Variants in STIM1 observed in about 807,000 individuals in gnomAD.
The protein encoded by STIM1 is stromal interaction molecule 1.
Under a neutral mutation model 74.7 loss-of-function variants are expected in STIM1, and 25 were observed. That is an observed-to-expected ratio of 0.33 (90% CI 0.24 to 0.47). The LOEUF (loss-of-function observed/expected upper bound fraction) is 0.47. Ranked by LOEUF, STIM1 falls within the 20% of genes least tolerant of loss-of-function variation. The pLI is 1.00. For synonymous variants in STIM1, 328 were observed against 348.8 expected, an observed-to-expected ratio of 0.94 and a Z score of 0.66; for missense variants, 728 against 920.8, an observed-to-expected ratio of 0.79 and a Z score of 2.71.
At chr11:4,010,264 AG>A (rs2093823384) in intron 2 of STIM1, among the ~76,000 whole-genome samples, 1 of 147,132 alleles carries the variant, frequency 6.8e-6, no homozygotes, top group Non-Finnish European at 1.5e-5. Flanking sequence ...TCCGCCTTCC[AG>A]GTTTAAGCAA....
chr11:4,066,019 C>A (rs1372421884), intron 5 of STIM1, among the ~76,000 whole-genome samples: 1 of 152,128 alleles, frequency 6.6e-6, no homozygotes, highest in African/African-American at 2.4e-5. Context: ...TATTATTACC[C>A]CTGACTTTGT....
chr11:3,940,885 A>G (rs746215507), intron 1 of STIM1, among the ~76,000 whole-genome samples: 1 of 152,196 alleles, frequency 6.6e-6, no homozygotes, highest in Non-Finnish European at 1.5e-5. Context: ...TGCCATATGC[A>G]TATATTTATA....
intron 1 of STIM1, among the ~76,000 whole-genome samples, chr11:3,909,481 G>T (rs1649949108): frequency 6.6e-6 from 1 of 152,168 alleles, no homozygotes; most frequent in Non-Finnish European, 1.5e-5. Flanking sequence ...ATTCAGTAAG[G>T]CTATTCTCAG....
In STIM1 at chr11:3,936,057, G is replaced by A. The variant is rs144905844; in HGVS notation, c.140-31495G>A. Among the ~76,000 whole-genome samples the A allele has an allele frequency of 2.1e-3, 323 of 152,148 alleles. 2 individuals are homozygous for A. Among genetic ancestry groups the A allele is most frequent in the African/African-American group, 7.5e-3 (312 of 41,506 alleles). ...TATACTCATTTTAAGTGCTCAGTTC[G>A]AGTTCTGACAAATGTAGTATATGCC... On this transcript the variant is annotated intron_variant, in intron 1 of 12. Transcript: ENST00000526596.
rs1407116817 is a variant in STIM1 at position 4,091,508 on chromosome 11, C to T, written c.1861C>T (p.Leu621=). The stretch of plus-strand genomic sequence containing the variant: ...GGCATTACTGGCGCTGAACCATGGG[C>T]TGGACAAGGCCCACAGCCTGATGGA... ...KKALLALNHG[L]DKAHSLMELS... The change falls in exon 13 of 13, where the codon CTG becomes TTG. Residue 621 remains leucine (L), a synonymous_variant. Coordinates refer to ENST00000526596, the MANE Select transcript of STIM1 (RefSeq NM_001382567.1). 2 of 1,614,086 alleles carry T rather than the reference C, an allele frequency of 1.2e-6. No homozygotes were observed. The highest frequency in any genetic ancestry group is 2.2e-5 in the East Asian group (1 of 44,898).
intron 1 of STIM1, among the ~76,000 whole-genome samples, chr11:3,931,943 G>A (rs2092866457): frequency 6.6e-6 from 1 of 152,190 alleles, no homozygotes; most frequent in Non-Finnish European, 1.5e-5. Context: ...AAGGCTGCCA[G>A]ATGAGGCCAT....
chr11:3,982,319 C>T (rs532586030), intron 2 of STIM1, among the ~76,000 whole-genome samples: 4 of 151,760 alleles, frequency 2.6e-5, no homozygotes, highest in South Asian at 4.2e-4. Flanking sequence ...CATGAGCCAA[C>T]GCACCCAGCC....
At chr11:4,076,392 A>G (rs1036909109) in intron 7 of STIM1, among the ~76,000 whole-genome samples, 1 of 139,934 alleles carries the variant, frequency 7.1e-6, no homozygotes, top group Non-Finnish European at 1.5e-5. Flanking sequence ...AGGCTGAGGC[A>G]GGAGGATTGC....
rs1261603471 is a variant in STIM1 at position 4,084,785 on chromosome 11, G to A, written c.1567+20G>A. ...ACCCCGGTTTGAGGAGCCCCTTTGG[G>A]GCATTTTGTTTTTCTGACTTTCGGG... On this transcript the variant is annotated intron_variant, in intron 11 of 12. Transcript: ENST00000526596. 7.8e-7 allele frequency: 1 copy of A among 1,289,108 alleles called. No homozygotes were observed. Among genetic ancestry groups the A allele is most frequent in the Non-Finnish European group, 1.0e-6 (1 of 988,736 alleles). The allele number at this position is 1,289,108 out of a possible 1,614,324, so 79.9% of individuals were successfully genotyped here.
chr11:3,928,915 G>A (rs1258062147), intron 1 of STIM1, among the ~76,000 whole-genome samples: 1 of 152,118 alleles, frequency 6.6e-6, no homozygotes, highest in Non-Finnish European at 1.5e-5. Context: ...CTGTAGCCCA[G>A]GCTGGAGCAC....
chr11:4,051,638 G>T (rs1392720520), intron 3 of STIM1, among the ~76,000 whole-genome samples: 4 of 151,816 alleles, frequency 2.6e-5, no homozygotes, highest in Admixed American at 2.0e-4. Flanking sequence ...CCACTGCCTG[G>T]CCATAAATTA....
chr11:4,042,216 A>T (rs887188760), intron 3 of STIM1, among the ~76,000 whole-genome samples: 1 of 152,222 alleles, frequency 6.6e-6, no homozygotes, highest in Non-Finnish European at 1.5e-5. Context: ...GCTAGGGAGT[A>T]TACTGTTCCT....
intron 2 of STIM1, among the ~76,000 whole-genome samples, chr11:3,974,700 A>G (rs146530743): frequency 1.1e-3 from 166 of 152,230 alleles, no homozygotes; most frequent in African/African-American, 3.9e-3. Context: ...CAGATGTGCA[A>G]GATGGCTCTA....
chr11:4,021,932 A>AT (rs781126393), intron 2 of STIM1, among the ~76,000 whole-genome samples: 3 of 151,898 alleles, frequency 2.0e-5, no homozygotes, highest in Non-Finnish European at 4.4e-5. Flanking sequence ...GTATTTTATT[A>AT]TTTTTTGTAG....
intron 1 of STIM1, among the ~76,000 whole-genome samples, chr11:3,908,839 C>T (rs2092513035): frequency 6.6e-6 from 1 of 152,146 alleles, no homozygotes. Context: ...CATTCACTCA[C>T]TTGGGAGCAA....
chr11:4,045,613 C>A (rs2094185205), intron 3 of STIM1, among the ~76,000 whole-genome samples: 1 of 151,898 alleles, frequency 6.6e-6, no homozygotes, highest in African/African-American at 2.4e-5. Context: ...CCACACCTGG[C>A]TAATTTTTTA....
chr11:3,994,283 A>G (rs2093642027), intron 2 of STIM1, among the ~76,000 whole-genome samples: 1 of 152,044 alleles, frequency 6.6e-6, no homozygotes, highest in East Asian at 1.9e-4. Context: ...GCTGCTTTCA[A>G]ACTTTCTCAT....
At chr11:4,033,068 C>A (rs745701221) in intron 3 of STIM1, among the ~76,000 whole-genome samples, 1 of 152,024 alleles carries the variant, frequency 6.6e-6, no homozygotes, top group Non-Finnish European at 1.5e-5. Flanking sequence ...TTTCGGCTTT[C>A]TACATATGGC....
chr11:3,950,679 G>T (rs1430697992), intron 1 of STIM1, among the ~76,000 whole-genome samples: 1 of 152,104 alleles, frequency 6.6e-6, no homozygotes, highest in Non-Finnish European at 1.5e-5. Flanking sequence ...GGGCTGGAGT[G>T]CAGTAGTACG....
Sources: gnomAD v4.1 joint callset for allele counts (sites outside exome capture counted in the v4.1 genomes callset) on GRCh38, gnomAD v4.1.1 for gene constraint, MANE v1.5 for transcripts, NCBI Gene and HGNC (gene_info 2026-07-23, HGNC 2026-07-21) for gene names.